The following AKAP14 variants were observed in gnomAD, a reference collection of about 807,000 sequenced individuals.
AKAP14 encodes A-kinase anchoring protein 14.
Under a neutral mutation model 17.0 loss-of-function variants are expected in AKAP14, and 4 were observed. That is an observed-to-expected ratio of 0.23 (90% confidence interval 0.12 to 0.54). AKAP14 has a LOEUF of 0.54. Among genes scored for constraint, AKAP14 ranks in the 20% least tolerant of loss-of-function variants. AKAP14 has a pLI of 0.95. For missense variants in AKAP14, 129 were observed against 150.9 expected (o/e 0.85, Z 0.76); for synonymous variants, 42 against 51.3 (o/e 0.82, Z 0.77).
chrX:119,918,755 A>G (rs951107481), intron 5 of AKAP14, among the ~76,000 whole-genome samples: 1 of 112,171 alleles, frequency 8.9e-6, no homozygotes, highest in East Asian at 2.8e-4. Context: ...ATCTAGGGGA[A>G]GGGTCGTCAG....
intron 2 of AKAP14, among the ~76,000 whole-genome samples, chrX:119,896,896 C>T (rs1221085026): frequency 9.5e-6 from 1 of 104,881 alleles, no homozygotes; most frequent in African/African-American, 3.5e-5. Context: ...CTGCAACCTC[C>T]GCCTCTGGTT....
intron 2 of AKAP14, among the ~76,000 whole-genome samples, chrX:119,902,602 C>G (rs1185158866): frequency 1.8e-5 from 2 of 112,092 alleles, no homozygotes; most frequent in African/African-American, 6.5e-5. Flanking sequence ...ATCAAAGATT[C>G]AACTTGGAAT....
chrX:119,911,813 C>T (rs1486868694), intron 4 of AKAP14, among the ~76,000 whole-genome samples: 1 of 110,713 alleles, frequency 9.0e-6, no homozygotes, highest in Non-Finnish European at 1.9e-5. Flanking sequence ...ATCCTCCTGC[C>T]TCAGCCTCCC....
rs1344255329 is a variant in AKAP14 at position 119,896,833 on chromosome X, C to CA, written c.-11+567dup. Among the ~76,000 whole-genome samples the CA allele has an allele frequency of 3.4e-3, 250 of 74,294 alleles. 1 individual carries two copies. Among genetic ancestry groups the CA allele is most frequent in the African/African-American group, 0.013 (236 of 17,914 alleles). 64.5% of individuals were successfully genotyped at this position (74,294 alleles called of 115,157 possible). A position where few individuals can be genotyped will look rare whatever the true frequency, so the allele number is the denominator to read the frequency against. On this transcript the variant is annotated intron_variant, in intron 2 of 6. Coordinates refer to ENST00000371431, the MANE Select transcript of AKAP14 (RefSeq NM_178813.6). ...TTTTTCTTTTTTTTTTTTTTTGAGA[C>CA]AGAGTCTCGCTCTGTCGCCTAGGCT...
intron 5 of AKAP14, among the ~76,000 whole-genome samples, chrX:119,919,477 C>T (rs1417951063): frequency 8.9e-6 from 1 of 112,261 alleles, no homozygotes; most frequent in Non-Finnish European, 1.9e-5. Context: ...TATAGATTCC[C>T]AATTCATAAG....
At chrX:119,918,014 C>T (rs781427206) in intron 5 of AKAP14, among the ~76,000 whole-genome samples, 6 of 111,491 alleles carry the variant, frequency 5.4e-5, no homozygotes, top group Non-Finnish European at 1.1e-4. Context: ...CTACTCCTTC[C>T]CTCTCACTGT....
In AKAP14 at chrX:119,903,535, C is replaced by T. The variant is rs772589040; in HGVS notation, c.210C>T (p.His70=). The T allele has an allele frequency of 2.2e-5, 27 of 1,209,890 alleles. No individual in the cohort carries two copies. In the Admixed American group the frequency reaches 3.3e-4, roughly 15 times the overall value. The part of the protein sequence containing the change: ...NPLKNIKWMT[H]GEFTVEKGLK... ...TGAAAAACATCAAGTGGATGACTCA[C>T]GGTGAATTCACTGTGGAAAAGGGTC... The change falls in exon 4 of 7, where the codon CAC becomes CAT. Residue 70 remains histidine, a synonymous_variant. Transcript: ENST00000371431.
At chrX:119,920,467 T>C in intron 6 of AKAP14, 41 bp from the exon 7 acceptor site, 1 of 1,068,283 alleles carries the variant, frequency 9.4e-7, no homozygotes, top group Non-Finnish European at 1.3e-6. Flanking sequence ...AGCTTTTGAT[T>C]TAAAAATACT....
At chrX:119,907,833 T>C (rs1420309029) in intron 4 of AKAP14, among the ~76,000 whole-genome samples, 1 of 112,107 alleles carries the variant, frequency 8.9e-6, no homozygotes, top group Non-Finnish European at 1.9e-5. Flanking sequence ...AAAAGTATTT[T>C]TTTTTCTTAT....
chrX:119,905,599 T>C (rs185997927), intron 4 of AKAP14, among the ~76,000 whole-genome samples: 3 of 111,036 alleles, frequency 2.7e-5, no homozygotes, highest in African/African-American at 9.8e-5. Context: ...CTCCCATCAC[T>C]CCTTCCCCCC....
chrX:119,903,549 T>TTTA lies in AKAP14; in HGVS notation c.224_225insTTA (p.Val75_Glu76insTer). 5 of 1,211,805 alleles carry TTTA rather than the reference T, an allele frequency of 4.1e-6. No homozygotes were observed. The highest frequency in any genetic ancestry group is 5.6e-6 in the Non-Finnish European group (5 of 895,486). ...TGGATGACTCACGGTGAATTCACTGTGGAAAAGGGTCTTAAACAAATTGAC... is the reference window on the plus strand; with the variant it reads ...TGGATGACTCACGGTGAATTCACTGTTTAGGAAAAGGGTCTTAAACAAATTGAC... On this transcript the variant is annotated stop_gained and inframe_insertion, in exon 4 of 7. Coordinates refer to ENST00000371431, the MANE Select transcript of AKAP14 (RefSeq NM_178813.6). LOFTEE classifies it high-confidence loss of function.
rs900637642 is a variant in AKAP14 at position 119,918,514 on chromosome X, G to T, written c.442-1397G>T. 6.2e-5 allele frequency among the ~76,000 whole-genome samples: 7 copies of T among 112,080 alleles called. No homozygotes were observed. The East Asian group carries it at 2.0e-3, about 31-fold the overall frequency. Reference sequence around the variant, plus strand: ...CCCAAAGTGCTGGGATTACAGGCATGAGCCACCACACCCAGCCCTGTAATT... The same window carrying T: ...CCCAAAGTGCTGGGATTACAGGCATTAGCCACCACACCCAGCCCTGTAATT... On this transcript the variant is annotated intron_variant, in intron 5 of 6. Transcript: ENST00000371431.
chrX:119,909,892 A>G (rs760112125), intron 4 of AKAP14, among the ~76,000 whole-genome samples: 1 of 109,223 alleles, frequency 9.2e-6, no homozygotes, highest in South Asian at 4.1e-4. Context: ...CTCAAAAAAA[A>G]AAAAAGGAAG....
At chrX:119,912,952 T>G (rs924101528) in intron 4 of AKAP14, among the ~76,000 whole-genome samples, 5 of 109,634 alleles carry the variant, frequency 4.6e-5, no homozygotes, top group African/African-American at 1.7e-4. Context: ...CCAAGGAAGA[T>G]TTTGTTTCTC....
At chrX:119,917,298 T>C (rs1330613575) in intron 5 of AKAP14, among the ~76,000 whole-genome samples, 3 of 108,216 alleles carry the variant, frequency 2.8e-5, no homozygotes, top group Non-Finnish European at 3.8e-5. Context: ...GCTAACATGG[T>C]GAAACCCCGT....
intron 4 of AKAP14, among the ~76,000 whole-genome samples, chrX:119,911,226 G>A (rs1335164139): frequency 1.9e-5 from 2 of 106,833 alleles, no homozygotes; most frequent in Non-Finnish European, 3.9e-5. Flanking sequence ...GGTGGTGGGC[G>A]CCTGTAATCC....
chrX:119,899,181 A>C (rs998236285), intron 2 of AKAP14, among the ~76,000 whole-genome samples: 14 of 108,055 alleles, frequency 1.3e-4, no homozygotes, highest in African/African-American at 4.7e-4. Context: ...AAAAAAAAAA[A>C]AAAAGGAAGA....
chrX:119,900,611 C>T (rs1166287369), intron 2 of AKAP14, among the ~76,000 whole-genome samples: 1 of 111,959 alleles, frequency 8.9e-6, no homozygotes, highest in Non-Finnish European at 1.9e-5. Context: ...CGGCTCCCTG[C>T]AGCCTCGACC....
intron 2 of AKAP14, among the ~76,000 whole-genome samples, chrX:119,897,644 G>A (rs1481545429): frequency 8.9e-6 from 1 of 112,166 alleles, no homozygotes; most frequent in African/African-American, 3.2e-5. Flanking sequence ...CTAGTGTTAA[G>A]GACCTTTAGG....
Sources: allele counts gnomAD v4.1 joint callset (sites outside exome capture counted in the v4.1 genomes callset), GRCh38; gene constraint gnomAD v4.1.1; transcripts MANE v1.5; gene names NCBI Gene and HGNC (gene_info 2026-07-23, HGNC 2026-07-21).